The following PCDH15 variants were observed in gnomAD, a reference collection of about 807,000 sequenced individuals.
PCDH15 encodes protocadherin related 15.
Under a neutral mutation model 178.5 loss-of-function variants are expected in PCDH15, and 129 were observed. The observed-to-expected ratio is 0.72, with a 90% CI of 0.63 to 0.84. The LOEUF is 0.84. PCDH15 is among the 40% of genes least tolerant of loss of function. PCDH15 has a pLI of 0.00. For missense variants in PCDH15, 2,230 were observed against 2,099.9 expected (o/e 1.06, Z -1.21); for synonymous variants, 800 against 732.0 (o/e 1.09, Z -1.50).
chr10:55,077,179 A>T (rs544144733), intron 2 of PCDH15, among the ~76,000 whole-genome samples: 1 of 151,230 alleles, frequency 6.6e-6, no homozygotes, highest in East Asian at 1.9e-4. Context: ...CTTTACAATT[A>T]TACTGTTTCT....
intron 32 of PCDH15, chr10:53,823,758 G>A (rs2076478992): frequency 8.9e-6 from 4 of 448,506 alleles, no homozygotes; most frequent in Non-Finnish European, 1.8e-5. Context: ...AGGGCTGCCT[G>A]TTACGCATAG....
chr10:53,964,058 G>C (rs1020605054), intron 21 of PCDH15, among the ~76,000 whole-genome samples: 1 of 151,916 alleles, frequency 6.6e-6, no homozygotes, highest in Admixed American at 6.6e-5. Context: ...TGCCTCCTTG[G>C]CTTTGCCAAG....
intron 2 of PCDH15, among the ~76,000 whole-genome samples, chr10:55,355,675 GTT>G (rs1845058279): frequency 6.6e-6 from 1 of 151,782 alleles, no homozygotes; most frequent in Admixed American, 6.6e-5. Context: ...ACTTGCAAAC[GTT>G]TTCTCTCAGT....
intron 26 of PCDH15, among the ~76,000 whole-genome samples, chr10:53,886,051 G>T (rs1260393267): frequency 6.6e-6 from 1 of 152,080 alleles, no homozygotes; most frequent in Non-Finnish European, 1.5e-5. Context: ...TGTGCATGCT[G>T]TTTGAAACAT....
chr10:54,494,252 A>G (rs996491955), intron 3 of PCDH15, among the ~76,000 whole-genome samples: 2 of 152,034 alleles, frequency 1.3e-5, no homozygotes, highest in Admixed American at 1.3e-4. Flanking sequence ...AATAATAAAA[A>G]GAAACTCCCC....
chr10:53,877,390 TGAGAG>T (rs1589212250), intron 26 of PCDH15, among the ~76,000 whole-genome samples: 6 of 152,292 alleles, frequency 3.9e-5, no homozygotes, highest in Admixed American at 3.3e-4. Flanking sequence ...GCTTTTTACT[TGAGAG>T]GAAACACTAG....
At chr10:54,183,353 T>C in intron 13 of PCDH15, 91 bp downstream of exon 13, 1 of 1,242,300 alleles carries the variant, frequency 8.0e-7, no homozygotes, top group Non-Finnish European at 1.2e-6. Context: ...AATCAATTTC[T>C]GTTTCTTAAG....
intron 2 of PCDH15, among the ~76,000 whole-genome samples, chr10:55,458,513 G>A (rs1016401210): frequency 9.2e-5 from 14 of 152,120 alleles, no homozygotes; most frequent in Middle Eastern, 3.4e-3. Context: ...TTTAGGGCAT[G>A]ACATTGCAAA....
chr10:54,924,880 C>T (rs1400020907), intron 2 of PCDH15, among the ~76,000 whole-genome samples: 1 of 152,040 alleles, frequency 6.6e-6, no homozygotes, highest in African/African-American at 2.4e-5. Context: ...AAAATGTTCT[C>T]CTATTATGTA....
intron 18 of PCDH15, among the ~76,000 whole-genome samples, chr10:54,059,384 C>A (rs903044961): frequency 6.6e-6 from 1 of 152,188 alleles, no homozygotes; most frequent in Non-Finnish European, 1.5e-5. Context: ...ATAACCCCAA[C>A]AACAGACCCA....
rs746404657 is a variant in PCDH15, at chr10:53,940,873, A to G, written c.3225T>C (p.Asn1075=). 9.3e-6 allele frequency: 15 copies of G among 1,609,614 alleles called. No individual in the cohort carries two copies. The Admixed American group carries it at 2.2e-4, about 23-fold the overall frequency. The part of the protein sequence containing the change: ...QSIVYSIVSG[N]EEDTFGINNI... ...AACTAAAAGTCTACTCACCTTCTTC[A>G]TTTCCTGAAACAATGGAGTACACAA... Residue 1075 remains asparagine, a synonymous_variant, in exon 24 of 38, where the codon AAT becomes AAC. Transcript: ENST00000644397.
intron 10 of PCDH15, among the ~76,000 whole-genome samples, chr10:54,208,584 G>C (rs1464755367): frequency 6.6e-6 from 1 of 151,976 alleles, no homozygotes; most frequent in African/African-American, 2.4e-5. Flanking sequence ...ACCCAGAAAA[G>C]GAACCTAACT....
chr10:55,221,727 A>G (rs184614539), intron 1 of PCDH15, among the ~76,000 whole-genome samples: 1 of 152,252 alleles, frequency 6.6e-6, no homozygotes, highest in African/African-American at 2.4e-5. Context: ...CACGTCCTCC[A>G]TAGAAGTGTA....
chr10:54,487,317 A>C (rs760549148), intron 3 of PCDH15, among the ~76,000 whole-genome samples: 11 of 151,998 alleles, frequency 7.2e-5, no homozygotes, highest in Non-Finnish European at 1.6e-4. Flanking sequence ...TAAAGTGTGG[A>C]ATGATTGAAA....
intron 2 of PCDH15, among the ~76,000 whole-genome samples, chr10:55,428,746 T>A (rs1838816111): frequency 6.6e-6 from 1 of 151,962 alleles, no homozygotes; most frequent in Non-Finnish European, 1.5e-5. Context: ...TAAGTCTGTA[T>A]TGTTATTTGT....
At chr10:54,366,064 G>A (rs1740085643) in intron 5 of PCDH15, among the ~76,000 whole-genome samples, 1 of 152,090 alleles carries the variant, frequency 6.6e-6, no homozygotes, top group Non-Finnish European at 1.5e-5. Context: ...TTGATAAGTA[G>A]TGAGGGGATG....
chr10:55,468,936 TTTAAG>T (rs1257287803), intron 2 of PCDH15: 5 of 152,176 alleles, frequency 3.3e-5, no homozygotes, highest in African/African-American at 1.2e-4. Flanking sequence ...TGATCCTGTT[TTTAAG>T]TTATCAAAAT....
At chr10:54,235,943 A>G (rs370330344) in intron 9 of PCDH15, among the ~76,000 whole-genome samples, 3 of 152,154 alleles carry the variant, frequency 2.0e-5, no homozygotes, top group Non-Finnish European at 4.4e-5. Context: ...AATTGCTTGA[A>G]TTTTCTTTAC....
intron 2 of PCDH15, among the ~76,000 whole-genome samples, chr10:55,503,559 T>G (rs995648752): frequency 6.6e-6 from 1 of 151,188 alleles, no homozygotes; most frequent in Non-Finnish European, 1.5e-5. Context: ...GAGGACAACA[T>G]TGAAGATAAT....
Sources: gnomAD v4.1 joint callset for allele counts (sites outside exome capture counted in the v4.1 genomes callset) on GRCh38, gnomAD v4.1.1 for gene constraint, MANE v1.5 for transcripts, NCBI Gene and HGNC (gene_info 2026-07-23, HGNC 2026-07-21) for gene names.